The following SLC7A10 variants were observed in gnomAD, a reference collection of about 807,000 sequenced individuals.
SLC7A10 encodes the protein asc-type amino acid transporter 1.
A neutral mutation model predicts 52.7 loss-of-function variants in SLC7A10; 30 were observed. That is an observed-to-expected ratio of 0.57 (90% CI 0.43 to 0.77). The LOEUF (loss-of-function observed/expected upper bound fraction) is 0.77. SLC7A10 is among the 30% of genes least tolerant of loss of function. The pLI is 0.00. For missense variants in SLC7A10, 581 were observed against 698.5 expected (o/e 0.83, Z 1.90); for synonymous variants, 318 against 314.9 (o/e 1.01, Z -0.10).
chr19:33,213,478 C>T (rs1255458037), intron 2 of SLC7A10, among the ~76,000 whole-genome samples: 3 of 152,034 alleles, frequency 2.0e-5, no homozygotes, highest in South Asian at 2.1e-4. Context: ...TTAGTAGAGA[C>T]GGAGTTTCAC....
Position 33,212,275 on chromosome 19 carries a change from T to C in SLC7A10, c.788+17A>G, listed in dbSNP as rs753522561. 14 of 1,589,902 alleles carry C rather than the reference T, an allele frequency of 8.8e-6. No individual in the cohort carries two copies. The highest frequency in any genetic ancestry group is 3.6e-5 in the Admixed American group (2 of 55,852). On this transcript the variant is annotated intron_variant, in intron 5 of 10. Coordinates refer to ENST00000253188, the MANE Select transcript of SLC7A10 (RefSeq NM_019849.3). ...GGCCTGGCTGCTTCCCAGGGCCCAG[T>C]TGGGGGCCCCACTCACTTTCGGGCG... is the stretch of plus-strand genomic sequence containing the variant.
chr19:33,225,528 G>A (rs753503331), intron 1 of SLC7A10, 25 bp downstream of exon 1: 2 of 1,594,330 alleles, frequency 1.3e-6, no homozygotes, highest in Non-Finnish European at 1.7e-6. Context: ...TCCGCCCGGC[G>A]CCCGCCCGCC....
At chr19:33,211,775 A>T in intron 5 of SLC7A10, 1 of 633,596 alleles carries the variant, frequency 1.6e-6, no homozygotes, top group Non-Finnish European at 2.7e-6. Flanking sequence ...TCACATCCTG[A>T]GGACAGGGTC....
chr19:33,209,536 G>C, intron 9 of SLC7A10, 51 bp from the exon 10 acceptor site: 1 of 1,594,874 alleles, frequency 6.3e-7, no homozygotes, highest in Non-Finnish European at 8.6e-7. Context: ...CCAGCTGTCT[G>C]TACCCCCGAC....
At position 33,209,288 on chromosome 19, in the gene SLC7A10, C is replaced by T. The variant is rs774903831; in HGVS notation, c.1441+20G>A. ...GGCCCCGGCCCCCTGTGCTGGGTGA[C>T]CTGCAGCTGCCCGGCTCACCTGTGA... On this transcript the variant is annotated intron_variant, in intron 10 of 10. Transcript: ENST00000253188. The T allele has an allele frequency of 1.9e-6, 3 of 1,613,462 alleles. No individual in the cohort carries two copies. Among genetic ancestry groups the T allele is most frequent in the African/African-American group, 1.3e-5 (1 of 74,900 alleles).
intron 10 of SLC7A10, 88 bp from the exon 11 acceptor site, chr19:33,209,109 T>C (rs2083465753): frequency 6.3e-7 from 1 of 1,591,530 alleles, no homozygotes; most frequent in Non-Finnish European, 8.6e-7. Flanking sequence ...GGCAGGGGTC[T>C]TCAGGGAGTT....
At chr19:33,222,446 AAATAAAATAAAATAAAAT>A (rs1322035740) in intron 1 of SLC7A10, among the ~76,000 whole-genome samples, 22 of 76,750 alleles carry the variant, frequency 2.9e-4, no homozygotes, top group Non-Finnish European at 4.4e-4. Flanking sequence ...AAAATAAAAT[AAATAAAATAAAATAAAAT>A]AAATAAAATA....
At chr19:33,212,004 AT>A in intron 5 of SLC7A10, 1 of 548,670 alleles carries the variant, frequency 1.8e-6, no homozygotes, top group African/African-American at 1.9e-5. Flanking sequence ...TATATGCATA[AT>A]TTTAGGCCAA....
At chr19:33,211,840 T>C (rs1974561292) in intron 5 of SLC7A10, 3 of 500,912 alleles carry the variant, frequency 6.0e-6, no homozygotes, top group Non-Finnish European at 1.1e-5. Context: ...CCTGGAAAAT[T>C]CCCCAAAATG....
chr19:33,217,530 G>A (rs1974714910), intron 1 of SLC7A10, among the ~76,000 whole-genome samples: 1 of 152,230 alleles, frequency 6.6e-6, no homozygotes, highest in Admixed American at 6.5e-5. Context: ...AATAAACCCA[G>A]AACCTCAGAC....
In SLC7A10 at chr19:33,210,849, T is replaced by C; in HGVS notation, c.1066A>G (p.Met356Val). 6.2e-7 allele frequency: 1 copy of C among 1,613,552 alleles called. No homozygotes were observed. Among genetic ancestry groups the C allele is most frequent in the Non-Finnish European group, 8.5e-7 (1 of 1,180,024 alleles). Reference sequence around the variant, plus strand: ...GGGGTGCAGTGTCTGACGTGGATCATGGCCAGCAGGCTGGGCAGGTGCCCC... The same window carrying C: ...GGGGTGCAGTGTCTGACGTGGATCACGGCCAGCAGGCTGGGCAGGTGCCCC... The part of the protein sequence containing the change: ...REGHLPSLLA[M>V]IHVRHCTPIP... The change falls in exon 8 of 11, where the codon ATG becomes GTG. Residue 356 changes from methionine to valine, a missense_variant. Met to Val is a conservative substitution (Grantham distance 21). Coordinates refer to ENST00000253188, the MANE Select transcript of SLC7A10 (RefSeq NM_019849.3). The surrounding 1 kb of genome is among the most constrained non-coding windows in gnomAD (Gnocchi z 5.6).
Position 33,212,841 on chromosome 19 carries a change from G to A in SLC7A10, c.508+10C>T, listed in dbSNP as rs546022981. ...TGATCTGGGGACAGTGGGCCAAAGG[G>A]GATGCTTACTCAGGCAGGCCATGGA... On this transcript the variant is annotated intron_variant, in intron 3 of 10. Coordinates refer to ENST00000253188, the MANE Select transcript of SLC7A10 (RefSeq NM_019849.3). 1.2e-6 allele frequency: 2 copies of A among 1,613,176 alleles called. No individual in the cohort carries two copies.
rs747570727 is a variant in SLC7A10 at position 33,225,712 on chromosome 19, C to A, written c.-9G>T. 3.4e-5 allele frequency: 51 copies of A among 1,512,854 alleles called. No homozygotes were observed. Among genetic ancestry groups the A allele is most frequent in the Non-Finnish European group, 4.2e-5 (48 of 1,138,894 alleles). The allele number at this position is 1,512,854 out of a possible 1,614,324, so 93.7% of individuals were successfully genotyped here. ...TGCGTGTGGCCGGCCATGTCGCTGTCCCGCCGCGTCCCCGCTCCCTGCGCT... is the reference window on the plus strand; with the variant it reads ...TGCGTGTGGCCGGCCATGTCGCTGTACCGCCGCGTCCCCGCTCCCTGCGCT... On this transcript the variant is annotated 5_prime_UTR_variant, in exon 1 of 11. Coordinates refer to ENST00000253188, the MANE Select transcript of SLC7A10 (RefSeq NM_019849.3).
At chr19:33,209,219 A>T in intron 10 of SLC7A10, 89 bp downstream of exon 10, 11 of 1,571,028 alleles carry the variant, frequency 7.0e-6, no homozygotes, top group Non-Finnish European at 9.6e-6. Flanking sequence ...CTGCTAGGAC[A>T]CCCTGCTCTG....
chr19:33,211,178 C>T (rs1348591961), intron 7 of SLC7A10, 47 bp downstream of exon 7: 3 of 1,564,814 alleles, frequency 1.9e-6, no homozygotes, highest in African/African-American at 1.4e-5. Flanking sequence ...TGCACACCTG[C>T]ACCCCAGCCT....
At chr19:33,220,883 T>C (rs545145473) in intron 1 of SLC7A10, 1 of 152,342 alleles carries the variant, frequency 6.6e-6, no homozygotes, top group South Asian at 2.1e-4. Flanking sequence ...CTCTATTCCA[T>C]CACAAATCCT....
At position 33,215,855 on chromosome 19, in the gene SLC7A10, G is replaced by C. The variant is rs1356993463; in HGVS notation, c.270C>G (p.Ser90=). The change falls in exon 2 of 11, where the codon TCC becomes TCG. Residue 90 remains serine (S), a synonymous_variant. Coordinates refer to ENST00000253188, the MANE Select transcript of SLC7A10 (RefSeq NM_019849.3). ...CGACTCCCAGCTCTGCATAGCAGAG[G>C]GAGCCCAGAGCCGTCACGCCCCCAC... ...VLGGGVTALG[S]LCYAELGVAI... is the part of the protein sequence containing the mutation. The C allele has an allele frequency of 6.2e-7, 1 of 1,602,774 alleles. No individual in the cohort carries two copies. Among genetic ancestry groups the C allele is most frequent in the Admixed American group, 1.7e-5 (1 of 58,694 alleles).
rs1337810251 is a variant in SLC7A10, at chr19:33,212,341, C to T, written c.739G>A (p.Gly247Ser). ...GTGACATAGTTGAGGAAGTTCCAGC[C>T]ACTGAAGGCGAAGGAGCCCTGGAGG... ...AFLQGSFAFS[G>S]WNFLNYVTEE... Residue 247 changes from glycine (G) to serine (S), a missense_variant, in exon 5 of 11, where the codon GGC (glycine) becomes AGC (serine). Physicochemically the swap from Gly to Ser is moderately conservative, Grantham distance 56. Transcript: ENST00000253188. 6.2e-7 allele frequency: 1 copy of T among 1,613,594 alleles called. No homozygotes were observed. Among genetic ancestry groups the T allele is most frequent in the Non-Finnish European group, 8.5e-7 (1 of 1,179,942 alleles).
chr19:33,208,667 C>G lies in SLC7A10; in HGVS notation c.*224G>C. ...AGGGACTCCCCATAGCACGAGCGAA[C>G]AGCCAGCCCTGTTTATTTATAGGCC... On this transcript the variant is annotated 3_prime_UTR_variant, in exon 11 of 11. Transcript: ENST00000253188. This position sits in a 1 kb window ranked among gnomAD's most constrained non-coding sequence, Gnocchi z 4.7. 1.6e-6 allele frequency: 1 copy of G among 609,724 alleles called. No homozygotes were observed. Among genetic ancestry groups the G allele is most frequent in the Non-Finnish European group, 2.8e-6 (1 of 352,518 alleles). 37.8% of individuals were successfully genotyped at this position (609,724 alleles called of 1,614,324 possible). A position where few individuals can be genotyped will look rare whatever the true frequency, so the allele number is the denominator to read the frequency against.
Sources: gnomAD v4.1 joint callset for allele counts (sites outside exome capture counted in the v4.1 genomes callset) on GRCh38, gnomAD v4.1.1 for gene constraint, Gnocchi (gnomAD v3.1) non-coding constraint, MANE v1.5 for transcripts, NCBI Gene and HGNC (gene_info 2026-07-23, HGNC 2026-07-21) for gene names.